The following DICER1 variants were observed in gnomAD, a reference collection of about 807,000 sequenced individuals.
DICER1 encodes the protein endoribonuclease Dicer.
A neutral mutation model predicts 194.1 loss-of-function variants in DICER1; 43 were observed. The ratio of observed to expected loss-of-function variants is 0.22; its 90% CI spans 0.17 to 0.29. DICER1 has a LOEUF of 0.29. DICER1 is among the 10% of genes least tolerant of loss of function. The probability of loss-of-function intolerance (pLI) is 1.00; values close to 1 mark genes in which losing one functional copy is unlikely to be tolerated. For missense variants in DICER1, 1,608 were observed against 2,317.0 expected (o/e 0.69, Z 6.28); for synonymous variants, 832 against 820.5 (o/e 1.01, Z -0.24).
At chr14:95,122,964 A>AAAGAAAGAAAGG (rs1893074901) in intron 8 of DICER1, among the ~76,000 whole-genome samples, 1 of 151,548 alleles carries the variant, frequency 6.6e-6, no homozygotes, top group African/African-American at 2.4e-5. Flanking sequence ...ACACACAAAG[A>AAAGAAAGAAAGG]AAGAAAAAGA....
At chr14:95,123,290 A>G (rs928595043) in intron 8 of DICER1, among the ~76,000 whole-genome samples, 4 of 152,254 alleles carry the variant, frequency 2.6e-5, no homozygotes, top group Non-Finnish European at 5.9e-5. Flanking sequence ...TTTGGATTCA[A>G]TATCACCTTT....
chr14:95,108,309 T>C lies in DICER1; in HGVS notation c.2436+15A>G, dbSNP rs1368163336. ...AAGACGTTTTTGACATAAGTACTCA[T>C]TATGAAATACCTACCTGAGGTATGG... On this transcript the variant is annotated intron_variant, in intron 15 of 26. Coordinates refer to ENST00000343455, the MANE Select transcript of DICER1 (RefSeq NM_177438.3). 1.2e-6 allele frequency: 2 copies of C among 1,611,516 alleles called. No individual in the cohort carries two copies. The highest frequency in any genetic ancestry group is 2.7e-5 in the African/African-American group (2 of 74,948).
At position 95,124,699 on chromosome 14, in the gene DICER1, G is replaced by T; in HGVS notation, c.904-31C>A. ...AAAAAAAGAAAAGAAAAAACCTAAT[G>T]CCAAATAATAATAATGTAGCATTTT... On this transcript the variant is annotated intron_variant, in intron 7 of 26. Transcript: ENST00000343455. The surrounding 1 kb of genome is among the most constrained non-coding windows in gnomAD (Gnocchi z 4.5). The T allele has an allele frequency of 6.6e-7, 1 of 1,511,150 alleles. No homozygotes were observed. Among genetic ancestry groups the T allele is most frequent in the Non-Finnish European group, 9.2e-7 (1 of 1,088,126 alleles). The allele number at this position is 1,511,150 out of a possible 1,614,324, so 93.6% of individuals were successfully genotyped here.
intron 21 of DICER1, among the ~76,000 whole-genome samples, chr14:95,100,438 G>C (rs976290145): frequency 6.6e-6 from 1 of 152,098 alleles, no homozygotes; most frequent in Non-Finnish European, 1.5e-5. Flanking sequence ...TCCTAGAATC[G>C]AAGCCACAAA....
intron 8 of DICER1, among the ~76,000 whole-genome samples, chr14:95,121,396 T>G (rs1463976294): frequency 6.6e-6 from 1 of 152,204 alleles, no homozygotes; most frequent in East Asian, 1.9e-4. Flanking sequence ...GAGTTAATAG[T>G]AATGGGCCAA....
intron 1 of DICER1, among the ~76,000 whole-genome samples, chr14:95,152,304 AC>A (rs1895565578): frequency 6.6e-6 from 1 of 152,256 alleles, no homozygotes. Flanking sequence ...AGCAAAAAGG[AC>A]CAAGTAGCAT....
At chr14:95,156,359 C>T (rs1167844102) in intron 1 of DICER1, among the ~76,000 whole-genome samples, 2 of 152,112 alleles carry the variant, frequency 1.3e-5, no homozygotes, top group African/African-American at 4.8e-5. Context: ...ATCGTGTAGA[C>T]CAGTAACGTG....
Position 95,094,065 on chromosome 14 carries a change from C to G in DICER1, c.5187G>C (p.Pro1729=), listed in dbSNP as rs765113010. Residue 1729 remains proline (P), a synonymous_variant, in exon 24 of 27, where the codon CCG becomes CCC. Coordinates refer to ENST00000343455, the MANE Select transcript of DICER1 (RefSeq NM_177438.3). ...CAGACCGCAGGTCTGTCAGGACCCCCGGGGAGTGCTGCCGCGGGTCTTCAT... is the reference window on the plus strand; with the variant it reads ...CAGACCGCAGGTCTGTCAGGACCCCGGGGGAGTGCTGCCGCGGGTCTTCAT... ...HLYEDPRQHS[P]GVLTDLRSAL... is the part of the protein sequence containing the mutation. 1.2e-6 allele frequency: 2 copies of G among 1,614,094 alleles called. No homozygotes were observed. The highest frequency in any genetic ancestry group is 2.2e-5 in the South Asian group (2 of 91,070).
At chr14:95,109,822 G>T (rs1474143587) in intron 14 of DICER1, among the ~76,000 whole-genome samples, 1 of 152,164 alleles carries the variant, frequency 6.6e-6, no homozygotes, top group African/African-American at 2.4e-5. Flanking sequence ...AGTAACCTGA[G>T]GTCAGTCACG....
At chr14:95,108,177 C>T in intron 15 of DICER1, 84 bp from the exon 16 acceptor site, 1 of 1,319,062 alleles carries the variant, frequency 7.6e-7, no homozygotes, top group Non-Finnish European at 1.1e-6. Context: ...AGAAATGATG[C>T]TTTCTAGTGG....
intron 23 of DICER1, 93 bp downstream of exon 23, chr14:95,095,732 T>G (rs767017558): frequency 7.6e-7 from 1 of 1,319,004 alleles, no homozygotes; most frequent in African/African-American, 1.5e-5. Context: ...ATGAACACTG[T>G]ACATGCATAG....
chr14:95,094,999 C>T (rs552835970), intron 23 of DICER1, among the ~76,000 whole-genome samples: 87 of 152,296 alleles, frequency 5.7e-4, no homozygotes, highest in Non-Finnish European at 9.6e-4. Flanking sequence ...TCCTCCATAA[C>T]GAAAATTAGG....
intron 23 of DICER1, chr14:95,095,552 T>C: frequency 2.2e-6 from 1 of 460,346 alleles, no homozygotes; most frequent in Non-Finnish European, 4.0e-6. Context: ...ATCAAAATAC[T>C]AAGGTTAAAA....
intron 21 of DICER1, among the ~76,000 whole-genome samples, chr14:95,103,045 G>T (rs546192695): frequency 6.6e-6 from 1 of 152,150 alleles, no homozygotes; most frequent in East Asian, 1.9e-4. Context: ...AGGATCAAGG[G>T]GTGTACACAC....
chr14:95,090,493 C>A lies in DICER1; in HGVS notation c.*5G>T. ...GTTTCTTGTTTTGAATTTTAAAAAG[C>A]GGTTTCAGCTATTGGGAACCTGAGG... On this transcript the variant is annotated 3_prime_UTR_variant, in exon 27 of 27. Coordinates refer to ENST00000343455, the MANE Select transcript of DICER1 (RefSeq NM_177438.3). 1 of 1,613,316 alleles carries A rather than the reference C, an allele frequency of 6.2e-7. No individual in the cohort carries two copies. The highest frequency in any genetic ancestry group is 8.5e-7 in the Non-Finnish European group (1 of 1,179,936).
intron 14 of DICER1, 42 bp from the exon 15 acceptor site, chr14:95,108,545 T>G (rs1457680418): frequency 9.0e-6 from 14 of 1,554,828 alleles, no homozygotes; most frequent in African/African-American, 2.7e-5. Context: ...CTCAAGCATA[T>G]TAGCCTCTTT....
intron 1 of DICER1, among the ~76,000 whole-genome samples, chr14:95,154,534 A>G (rs571876479): frequency 2.0e-5 from 3 of 152,238 alleles, no homozygotes; most frequent in Non-Finnish European, 4.4e-5. Context: ...TTTCCAAGGA[A>G]GGGAATTCTG....
At chr14:95,091,171 GTTT>G (rs759659916) in intron 25 of DICER1, 29 bp downstream of exon 25, 1 of 1,613,908 alleles carries the variant, frequency 6.2e-7, no homozygotes, top group East Asian at 2.2e-5. Context: ...AATTTTGTGG[GTTT>G]TTTTCTTTCT....
chr14:95,124,390 C>T lies in DICER1; in HGVS notation c.1182G>A (p.Gln394=). The change falls in exon 8 of 27, where the codon CAG becomes CAA. Residue 394 remains glutamine, a synonymous_variant. Transcript: ENST00000343455. The surrounding 1 kb of genome is among the most constrained non-coding windows in gnomAD (Gnocchi z 4.5). The stretch of plus-strand genomic sequence containing the variant: ...TATTATACCACTCAACGCTTTCAAA[C>T]TGCTGTCGCTCATATGGTTTATATT... ...LRKYKPYERQ[Q]FESVEWYNNR... 1 of 1,614,168 alleles carries T rather than the reference C, an allele frequency of 6.2e-7. No individual in the cohort carries two copies. Among genetic ancestry groups the T allele is most frequent in the Non-Finnish European group, 8.5e-7 (1 of 1,180,018 alleles).
Sources: allele counts gnomAD v4.1 joint callset (sites outside exome capture counted in the v4.1 genomes callset), GRCh38; gene constraint gnomAD v4.1.1; non-coding constraint Gnocchi (gnomAD v3.1); transcripts MANE v1.5; gene names NCBI Gene and HGNC (gene_info 2026-07-23, HGNC 2026-07-21).